The following RPS6KC1 variants were observed in gnomAD, a reference collection of about 807,000 sequenced individuals.
The protein encoded by RPS6KC1 is inactive ribosomal protein S6 kinase delta-1.
RPS6KC1 carries 54 observed loss-of-function variants against 103.8 expected under a neutral mutation model. The ratio of observed to expected loss-of-function variants is 0.52; its 90% confidence interval spans 0.42 to 0.65. The LOEUF is 0.65. Among genes scored for constraint, RPS6KC1 ranks in the 30% least tolerant of loss-of-function variants. RPS6KC1 has a pLI of 0.00. For synonymous variants in RPS6KC1, 439 were observed against 438.7 expected (o/e 1.00, Z -0.01); for missense variants, 1,151 against 1,253.8 (o/e 0.92, Z 1.24).
At chr1:213,306,153 C>G in the RPS6KC1 span, among the ~76,000 whole-genome samples, 74 of 152,116 alleles carry the variant, frequency 4.9e-4, no homozygotes, top group Non-Finnish European at 4.4e-5. Context: ...ATTACCATAG[C>G]AGGTGATGAG....
chr1:213,817,582 C>T, the RPS6KC1 span, among the ~76,000 whole-genome samples: 1 of 152,172 alleles, frequency 6.6e-6, no homozygotes, highest in Non-Finnish European at 1.5e-5. Flanking sequence ...CAGTGCAAAG[C>T]TTAACACACT....
chr1:213,082,364 G>A (rs1373512497), intron 3 of RPS6KC1, among the ~76,000 whole-genome samples: 5 of 152,166 alleles, frequency 3.3e-5, no homozygotes, highest in Non-Finnish European at 7.3e-5. Context: ...CTGGGAGGCA[G>A]AGTTTGCAGT....
the RPS6KC1 span, among the ~76,000 whole-genome samples, chr1:213,580,766 T>TG: frequency 3.1e-3 from 465 of 152,088 alleles, 3 homozygotes; most frequent in African/African-American, 0.011. Flanking sequence ...GTTAGCATTT[T>TG]TTTTTGCAAT....
chr1:213,771,112 CCTT>C, the RPS6KC1 span, among the ~76,000 whole-genome samples: 1 of 132,134 alleles, frequency 7.6e-6, no homozygotes, highest in Non-Finnish European at 1.7e-5. Context: ...TCCTTAGTCT[CCTT>C]CTCTCTCCTT....
chr1:213,588,959 C>T, the RPS6KC1 span, among the ~76,000 whole-genome samples: 1 of 152,174 alleles, frequency 6.6e-6, no homozygotes, highest in African/African-American at 2.4e-5. Flanking sequence ...AGACAGTGTT[C>T]TTACAGATCT....
chr1:213,830,348 A>T, the RPS6KC1 span, among the ~76,000 whole-genome samples: 1 of 152,184 alleles, frequency 6.6e-6, no homozygotes, highest in Non-Finnish European at 1.5e-5. Flanking sequence ...TCCTTTTGAG[A>T]ATACCCTACC....
chr1:213,776,025 G>A, the RPS6KC1 span, among the ~76,000 whole-genome samples: 2 of 152,140 alleles, frequency 1.3e-5, no homozygotes, highest in Non-Finnish European at 2.9e-5. Context: ...CAGCAACTCA[G>A]TCATATTTTC....
the RPS6KC1 span, among the ~76,000 whole-genome samples, chr1:213,717,780 A>ATT: frequency 6.6e-6 from 1 of 152,180 alleles, no homozygotes; most frequent in Non-Finnish European, 1.5e-5. Flanking sequence ...TGATGAGTAT[A>ATT]TTTTAGAGAG....
At chr1:213,755,362 G>A in the RPS6KC1 span, among the ~76,000 whole-genome samples, 1 of 152,214 alleles carries the variant, frequency 6.6e-6, no homozygotes, top group Non-Finnish European at 1.5e-5. Flanking sequence ...GTCCAATGGA[G>A]AAGGAAGCAG....
intron 12 of RPS6KC1, among the ~76,000 whole-genome samples, chr1:213,243,895 A>G (rs2094408022): frequency 6.6e-6 from 1 of 152,240 alleles, no homozygotes; most frequent in Admixed American, 6.5e-5. Flanking sequence ...TAAAAGAGCT[A>G]GATTGTTTCT....
the RPS6KC1 span, among the ~76,000 whole-genome samples, chr1:213,663,010 T>C: frequency 6.6e-6 from 1 of 152,226 alleles, no homozygotes; most frequent in African/African-American, 2.4e-5. Context: ...TGTTAGTGTT[T>C]TATACCACTC....
At chr1:213,454,722 C>G in the RPS6KC1 span, among the ~76,000 whole-genome samples, 1 of 152,198 alleles carries the variant, frequency 6.6e-6, no homozygotes, top group Non-Finnish European at 1.5e-5. Context: ...GCTTCCTAAT[C>G]AGAACTGCAC....
the RPS6KC1 span, among the ~76,000 whole-genome samples, chr1:213,483,173 A>C: frequency 6.6e-6 from 1 of 152,180 alleles, no homozygotes; most frequent in Admixed American, 6.5e-5. Flanking sequence ...GTGCTGAGCA[A>C]AAGGGGAAAA....
chr1:213,137,824 T>TTTTTTTTC (rs2086549429), intron 6 of RPS6KC1, among the ~76,000 whole-genome samples: 1 of 125,808 alleles, frequency 7.9e-6, no homozygotes, highest in Non-Finnish European at 1.6e-5. Context: ...TTTTTTTTTT[T>TTTTTTTTC]TTCCTTCCCC....
the RPS6KC1 span, among the ~76,000 whole-genome samples, chr1:213,828,465 T>G: frequency 6.6e-6 from 1 of 152,178 alleles, no homozygotes; most frequent in Non-Finnish European, 1.5e-5. Flanking sequence ...AAGTCCACCG[T>G]GCACATGTTT....
the RPS6KC1 span, among the ~76,000 whole-genome samples, chr1:213,717,056 T>C: frequency 6.6e-6 from 1 of 152,200 alleles, no homozygotes; most frequent in Non-Finnish European, 1.5e-5. Flanking sequence ...AATCTTTTTT[T>C]CCTGATGTTT....
the RPS6KC1 span, among the ~76,000 whole-genome samples, chr1:213,596,274 C>A: frequency 6.6e-6 from 1 of 152,188 alleles, no homozygotes; most frequent in Non-Finnish European, 1.5e-5. Context: ...TGGGGCTATG[C>A]CATGAGCTGA....
the RPS6KC1 span, among the ~76,000 whole-genome samples, chr1:213,459,009 G>C: frequency 6.6e-6 from 1 of 152,156 alleles, no homozygotes; most frequent in Admixed American, 6.5e-5. Context: ...CAGTTTGCCA[G>C]TATTTTATTG....
the RPS6KC1 span, among the ~76,000 whole-genome samples, chr1:213,768,707 G>A: frequency 6.6e-6 from 1 of 152,098 alleles, no homozygotes; most frequent in Non-Finnish European, 1.5e-5. Context: ...AAACTTTATT[G>A]AATAGCTCAT....
Sources: gnomAD v4.1 joint callset for allele counts (sites outside exome capture counted in the v4.1 genomes callset) on GRCh38, gnomAD v4.1.1 for gene constraint, MANE v1.5 for transcripts, NCBI Gene and HGNC (gene_info 2026-07-23, HGNC 2026-07-21) for gene names.